Variants in ZNF718 observed in about 807,000 individuals in gnomAD.
ZNF718 encodes the protein zinc finger protein 718.
In ZNF718, 3 loss-of-function variants were observed where a neutral mutation model predicts 2.6. The ratio of observed to expected loss-of-function variants is 1.16; its 90% CI spans 0.53 to 3.01. The LOEUF is 3.01. ZNF718 is among the 30% of genes most tolerant of loss of function. ZNF718 has a pLI of 0.03. For synonymous variants in ZNF718, 135 were observed against 77.9 expected (o/e 1.73, Z -3.86); for missense variants, 468 against 230.0 (o/e 2.03, Z -6.69).
intron 3 of ZNF718, among the ~76,000 whole-genome samples, chr4:189,662 A>T (rs1717654509): frequency 6.6e-6 from 1 of 152,194 alleles, no homozygotes; most frequent in Non-Finnish European, 1.5e-5. Context: ...TACAGTGTTA[A>T]ACAGAGTGGA....
chr4:133,197 T>A (rs1392338079), intron 3 of ZNF718, among the ~76,000 whole-genome samples: 2,235 of 14,402 alleles, frequency 0.16, 242 homozygotes, highest in Admixed American at 0.23. Flanking sequence ...AAAAAAAAAA[T>A]ATATATATAT....
chr4:125,657 G>A (rs1715176304), intron 1 of ZNF718, among the ~76,000 whole-genome samples: 1 of 152,174 alleles, frequency 6.6e-6, no homozygotes, highest in Admixed American at 6.6e-5. Flanking sequence ...CTTCCTCCAG[G>A]CCTCCTCCCG....
At chr4:140,341 T>C (rs148743172) in intron 3 of ZNF718, among the ~76,000 whole-genome samples, 12 of 152,324 alleles carry the variant, frequency 7.9e-5, no homozygotes, top group African/African-American at 2.9e-4. Context: ...TGGCAGAGGT[T>C]CTGAGGTCTG....
intron 3 of ZNF718, among the ~76,000 whole-genome samples, chr4:150,890 G>T (rs1204874301): frequency 6.8e-6 from 1 of 147,390 alleles, no homozygotes; most frequent in Admixed American, 6.8e-5. Flanking sequence ...TTTGAATTTT[G>T]TGTGTGTGTG....
At chr4:173,624 C>T (rs186306614) in intron 3 of ZNF718, among the ~76,000 whole-genome samples, 1 of 152,280 alleles carries the variant, frequency 6.6e-6, no homozygotes, top group Non-Finnish European at 1.5e-5. Context: ...GCAAAGGATA[C>T]TTCTGTTAAA....
downstream of ZNF718, among the ~76,000 whole-genome samples, chr4:165,662 G>A (rs1325148588): frequency 6.6e-6 from 1 of 152,152 alleles, no homozygotes; most frequent in African/African-American, 2.4e-5. Context: ...AGCCAGTTGT[G>A]ATGGTGGGTG....
chr4:185,264 G>T, intron 3 of ZNF718, among the ~76,000 whole-genome samples: 1 of 152,114 alleles, frequency 6.6e-6, no homozygotes, highest in African/African-American at 2.4e-5. Flanking sequence ...ATTTACCCAT[G>T]AATCCTTAAG....
Position 161,976 on chromosome 4 carries a change from G to A in ZNF718, c.1291G>A (p.Ala431Thr), listed in dbSNP as rs1553815508. Residue 431 changes from alanine to threonine, a missense_variant, in exon 4 of 4, where the codon GCC becomes ACC. Ala to Thr is a moderately conservative substitution (Grantham distance 58). Transcript: ENST00000510175. ...KPYICKQCGKAFKQSSHLNKH... is the reference protein window; with the variant it reads ...KPYICKQCGKTFKQSSHLNKH... ...CTACATATGTAAACAATGTGGCAAA[G>A]CCTTTAAACAGTCCTCACACTTGAA... 3.8e-6 allele frequency: 3 copies of A among 780,044 alleles called. No homozygotes were observed. Among genetic ancestry groups the A allele is most frequent in the Admixed American group, 1.7e-5 (1 of 58,830 alleles). 48.3% of individuals were successfully genotyped at this position (780,044 alleles called of 1,614,324 possible).
chr4:177,052 C>T (rs2108812193), intron 3 of ZNF718, among the ~76,000 whole-genome samples: 1 of 152,282 alleles, frequency 6.6e-6, no homozygotes, highest in South Asian at 2.1e-4. Context: ...TTCCATTGTT[C>T]TGGGTGATGC....
At chr4:140,829 C>A (rs891675517) in intron 3 of ZNF718, among the ~76,000 whole-genome samples, 1 of 152,160 alleles carries the variant, frequency 6.6e-6, no homozygotes, top group Non-Finnish European at 1.5e-5. Flanking sequence ...TAAGTCTAAG[C>A]AATTTTCAAG....
At chr4:133,529 T>C (rs868968650) in intron 3 of ZNF718, among the ~76,000 whole-genome samples, 2 of 152,306 alleles carry the variant, frequency 1.3e-5, no homozygotes, top group Middle Eastern at 3.4e-3. Flanking sequence ...TATCTATATA[T>C]AAAAATGTGT....
chr4:139,005 G>A (rs968228356), intron 3 of ZNF718, among the ~76,000 whole-genome samples: 2 of 152,082 alleles, frequency 1.3e-5, no homozygotes, highest in Non-Finnish European at 2.9e-5. Context: ...AGCTGTTTGT[G>A]TGCCTTATGT....
intron 3 of ZNF718, among the ~76,000 whole-genome samples, chr4:194,875 T>A (rs1168388957): frequency 6.6e-6 from 1 of 152,194 alleles, no homozygotes; most frequent in Non-Finnish European, 1.5e-5. Context: ...TGAGCATTAG[T>A]CCTAGGGCAT....
At chr4:192,472 G>C (rs1717711389) in intron 3 of ZNF718, among the ~76,000 whole-genome samples, 1 of 152,160 alleles carries the variant, frequency 6.6e-6, no homozygotes, top group African/African-American at 2.4e-5. Flanking sequence ...TTAAAGGTGG[G>C]TGCGGTCACC....
intron 3 of ZNF718, among the ~76,000 whole-genome samples, chr4:159,087 A>T (rs1321341327): frequency 6.8e-6 from 1 of 147,554 alleles, no homozygotes; most frequent in Non-Finnish European, 1.5e-5. Flanking sequence ...CCCAGGCTAG[A>T]GTGCAGTGGC....
intron 3 of ZNF718, among the ~76,000 whole-genome samples, chr4:178,750 A>G (rs940421949): frequency 1.3e-5 from 2 of 152,228 alleles, no homozygotes; most frequent in Middle Eastern, 3.4e-3. Flanking sequence ...GATATTCACT[A>G]TTGGTTGTTG....
In ZNF718 at chr4:125,578, A is replaced by G. The variant is rs189255494; in HGVS notation, c.3+905A>G. The stretch of plus-strand genomic sequence containing the variant: ...GACATGGCCGAGTCTGGGTTGGAGG[A>G]AGTCACCTGGTGTCCGCAGGAGGCG... On this transcript the variant is annotated intron_variant, in intron 1 of 3. Coordinates refer to ENST00000510175, the MANE Select transcript of ZNF718 (RefSeq NM_001039127.6). Among the ~76,000 whole-genome samples the G allele has an allele frequency of 3.1e-3, 479 of 152,216 alleles. 3 individuals are homozygous for G. Among genetic ancestry groups the G allele is most frequent in the Middle Eastern group, 0.014 (4 of 294 alleles).
chr4:177,011 C>T (rs1338846932), intron 3 of ZNF718, among the ~76,000 whole-genome samples: 5 of 152,180 alleles, frequency 3.3e-5, no homozygotes, highest in African/African-American at 1.2e-4. Flanking sequence ...TGGACCAGAA[C>T]ATACACTCTG....
chr4:158,387 A>G (rs1324881758), intron 3 of ZNF718, among the ~76,000 whole-genome samples: 2 of 151,986 alleles, frequency 1.3e-5, no homozygotes, highest in Non-Finnish European at 2.9e-5. Flanking sequence ...ATTTGCTGAC[A>G]GAAAGGCTTA....
Sources: gnomAD v4.1 joint callset for allele counts (sites outside exome capture counted in the v4.1 genomes callset) on GRCh38, gnomAD v4.1.1 for gene constraint, MANE v1.5 for transcripts, NCBI Gene and HGNC (gene_info 2026-07-23, HGNC 2026-07-21) for gene names.